PPP4R2: variants seen among roughly 807,000 people sequenced by gnomAD.
The protein encoded by PPP4R2 is protein phosphatase 4 regulatory subunit 2, also known as serine/threonine-protein phosphatase 4 regulatory subunit 2.
PPP4R2 carries 13 observed loss-of-function variants against 47.2 expected under a neutral mutation model. The observed-to-expected ratio is 0.28, with a 90% CI of 0.18 to 0.44. The LOEUF (loss-of-function observed/expected upper bound fraction) is 0.44. PPP4R2 is among the 20% of genes least tolerant of loss of function. The pLI is 1.00. For missense variants in PPP4R2, 421 were observed against 491.2 expected, an observed-to-expected ratio of 0.86 and a Z score of 1.35; for synonymous variants, 151 against 163.3, an observed-to-expected ratio of 0.92 and a Z score of 0.57.
At position 73,068,263 on chromosome 3, in the gene PPP4R2, G is replaced by A. The variant is rs1703041221; in HGVS notation, c.*2541G>A. 1 of 152,072 alleles carries A rather than the reference G, an allele frequency of 6.6e-6. No individual in the cohort carries two copies. The highest frequency in any genetic ancestry group is 6.6e-5 in the Admixed American group (1 of 15,256). The allele number at this position is 152,072 out of a possible 1,614,324, so 9.4% of individuals were successfully genotyped here. On this transcript the variant is annotated 3_prime_UTR_variant, in exon 9 of 9. Transcript: ENST00000356692. ...ATCTAAATGAAGAATGGAGACCTCA[G>A]TGATTAAAGATATTTTGTTTCTGAC...
At chr3:72,997,927 G>A in intron 1 of PPP4R2, 150 bp from the exon 2 acceptor site, 1 of 651,150 alleles carries the variant, frequency 1.5e-6, no homozygotes, top group South Asian at 1.7e-5. Context: ...GTAGAACTTG[G>A]AGGATTGAGG....
Position 73,068,295 on chromosome 3 carries a change from C to G in PPP4R2, c.*2573C>G, listed in dbSNP as rs1315610259. ...AAGATATTTTGTTTCTGACCTTGAG[C>G]AGATTGCTTACCTGTTCTCTAGACT... On this transcript the variant is annotated 3_prime_UTR_variant, in exon 9 of 9. Transcript: ENST00000356692. 1 of 151,960 alleles carries G rather than the reference C, an allele frequency of 6.6e-6. No homozygotes were observed. The highest frequency in any genetic ancestry group is 2.4e-5 in the African/African-American group (1 of 41,352). The allele number at this position is 151,960 out of a possible 1,614,324, so 9.4% of individuals were successfully genotyped here. A position where few individuals can be genotyped will look rare whatever the true frequency, so the allele number is the denominator to read the frequency against.
intron 6 of PPP4R2, 68 bp downstream of exon 6, chr3:73,063,815 T>A: frequency 8.0e-7 from 1 of 1,246,772 alleles, no homozygotes; most frequent in Non-Finnish European, 1.2e-6. Context: ...AGGCTTAGTG[T>A]ACTTTTTAAA....
chr3:73,052,243 T>TTC (rs569626643), intron 3 of PPP4R2, among the ~76,000 whole-genome samples: 24 of 150,360 alleles, frequency 1.6e-4, no homozygotes, highest in South Asian at 4.2e-4. Context: ...ATTTCTTTCT[T>TTC]TTCTTTTTTT....
chr3:73,029,016 G>T (rs1042626295), intron 2 of PPP4R2, among the ~76,000 whole-genome samples: 3 of 152,172 alleles, frequency 2.0e-5, no homozygotes, highest in African/African-American at 7.2e-5. Context: ...TGTGATCATG[G>T]CTCACTGCAG....
Position 73,059,033 on chromosome 3 carries a change from G to A in PPP4R2, c.288-4G>A, listed in dbSNP as rs369033931. On this transcript the variant is annotated splice_region_variant and splice_polypyrimidine_tract_variant and intron_variant, in intron 3 of 8. Transcript: ENST00000356692. ...TCACACTGTAAAATTATATTTTTTT[G>A]CAGTATCCCTTTTACTATTCAGCGA... The A allele has an allele frequency of 3.3e-6, 5 of 1,530,210 alleles. No individual in the cohort carries two copies. Among genetic ancestry groups the A allele is most frequent in the South Asian group, 1.2e-5 (1 of 85,044 alleles). 94.8% of individuals were successfully genotyped at this position (1,530,210 alleles called of 1,614,324 possible). A position where few individuals can be genotyped will look rare whatever the true frequency, so the allele number is the denominator to read the frequency against.
At chr3:72,998,428 A>G (rs1028321020) in intron 2 of PPP4R2, among the ~76,000 whole-genome samples, 31 of 152,218 alleles carry the variant, frequency 2.0e-4, no homozygotes, top group Non-Finnish European at 4.4e-5. Flanking sequence ...ATTAGTCTTA[A>G]CGAGCCAGAG....
intron 2 of PPP4R2, among the ~76,000 whole-genome samples, chr3:73,025,139 C>A (rs886884075): frequency 1.3e-5 from 2 of 152,070 alleles, no homozygotes; most frequent in Non-Finnish European, 2.9e-5. Context: ...GTATTCAGTA[C>A]CTTTTAAAGA....
chr3:73,059,629 G>A (rs1340657320), intron 4 of PPP4R2, among the ~76,000 whole-genome samples: 1 of 151,998 alleles, frequency 6.6e-6, no homozygotes, highest in African/African-American at 2.4e-5. Flanking sequence ...AATAAGGGAA[G>A]GGTATTCTGA....
chr3:73,007,379 G>A (rs1423232496), intron 2 of PPP4R2, among the ~76,000 whole-genome samples: 1 of 152,088 alleles, frequency 6.6e-6, no homozygotes, highest in Non-Finnish European at 1.5e-5. Flanking sequence ...ACTAAGACCC[G>A]CATTATTACA....
chr3:73,027,246 C>T (rs1702084732), intron 2 of PPP4R2, among the ~76,000 whole-genome samples: 2 of 152,200 alleles, frequency 1.3e-5, no homozygotes, highest in South Asian at 2.1e-4. Flanking sequence ...CCTGCCTCAG[C>T]CTCCCAAGTA....
chr3:73,062,937 G>T (rs1702900828), intron 5 of PPP4R2: 1 of 1,565,770 alleles, frequency 6.4e-7, no homozygotes, highest in East Asian at 2.2e-5. Flanking sequence ...TATTAATGCT[G>T]TGAGAATGTT....
At chr3:72,998,276 C>G in intron 2 of PPP4R2, 118 bp downstream of exon 2, 1 of 625,808 alleles carries the variant, frequency 1.6e-6, no homozygotes. Flanking sequence ...TGTAGAAGTC[C>G]TGGTCATTTA....
At chr3:73,039,869 C>T (rs1702341305) in intron 2 of PPP4R2, among the ~76,000 whole-genome samples, 2 of 152,150 alleles carry the variant, frequency 1.3e-5, no homozygotes, top group Non-Finnish European at 2.9e-5. Context: ...GCCTGGCCAA[C>T]ATGGCGAAAC....
At chr3:73,014,914 G>T in intron 2 of PPP4R2, 1 of 677,562 alleles carries the variant, frequency 1.5e-6, no homozygotes, top group Non-Finnish European at 2.7e-6. Context: ...GTGTTGCCCA[G>T]GCTGGCCTCG....
In PPP4R2 at chr3:73,022,230, C is replaced by T. The variant is rs531136155; in HGVS notation, c.116+24072C>T. 2.0e-5 allele frequency among the ~76,000 whole-genome samples: 3 copies of T among 152,170 alleles called. No homozygotes were observed. In the East Asian group the frequency reaches 5.8e-4, roughly 29 times the overall value. ...TTAATATTTTGCTTATTGCTTTTAT[C>T]AGCATTGGCCTGTACAAAATACATT... On this transcript the variant is annotated intron_variant, in intron 2 of 8. Coordinates refer to ENST00000356692, the MANE Select transcript of PPP4R2 (RefSeq NM_174907.4).
At chr3:73,019,672 C>A (rs1701920491) in intron 2 of PPP4R2, among the ~76,000 whole-genome samples, 1 of 152,140 alleles carries the variant, frequency 6.6e-6, no homozygotes, top group African/African-American at 2.4e-5. Flanking sequence ...CCATGCCCGG[C>A]CCCTAGAAGC....
chr3:73,037,639 T>G (rs190923891), intron 2 of PPP4R2, among the ~76,000 whole-genome samples: 223 of 152,360 alleles, frequency 1.5e-3, no homozygotes, highest in Non-Finnish European at 2.4e-3. Flanking sequence ...GTGCTGAGTT[T>G]GAGAAACTCA....
chr3:73,003,666 C>T (rs988906039), intron 2 of PPP4R2, among the ~76,000 whole-genome samples: 8 of 151,502 alleles, frequency 5.3e-5, no homozygotes, highest in Admixed American at 4.0e-4. Context: ...TATTGAAAAG[C>T]GGCTAATTGA....
Sources: gnomAD v4.1 joint callset for allele counts (sites outside exome capture counted in the v4.1 genomes callset) on GRCh38, gnomAD v4.1.1 for gene constraint, MANE v1.5 for transcripts, NCBI Gene and HGNC (gene_info 2026-07-23, HGNC 2026-07-21) for gene names.